LINGO2: variants seen among roughly 807,000 people sequenced by gnomAD.
LINGO2 encodes the protein leucine-rich repeat and immunoglobulin-like domain-containing nogo receptor-interacting protein 2.
A neutral mutation model predicts 30.6 loss-of-function variants in LINGO2; 14 were observed. The ratio of observed to expected loss-of-function variants is 0.46; its 90% CI spans 0.30 to 0.72. The LOEUF (loss-of-function observed/expected upper bound fraction) is 0.72. Among genes scored for constraint, LINGO2 ranks in the 30% least tolerant of loss-of-function variants. The probability of loss-of-function intolerance (pLI) is 0.07; values close to 1 mark genes in which losing one functional copy is unlikely to be tolerated. For missense variants in LINGO2, 729 were observed against 751.7 expected (o/e 0.97, Z 0.35); for synonymous variants, 317 against 288.5 (o/e 1.10, Z -1.00).
chr9:29,091,613 G>T, the LINGO2 span, among the ~76,000 whole-genome samples: 1 of 151,942 alleles, frequency 6.6e-6, no homozygotes, highest in Non-Finnish European at 1.5e-5. Flanking sequence ...ATGAAGTGAA[G>T]ATTCTCTGCT....
chr9:28,624,544 T>C (rs1186136917), intron 1 of LINGO2, among the ~76,000 whole-genome samples: 1 of 152,118 alleles, frequency 6.6e-6, no homozygotes, highest in Non-Finnish European at 1.5e-5. Context: ...AATGATCTTT[T>C]TAAAAGTATT....
At chr9:28,257,351 C>A (rs1227265498) in intron 4 of LINGO2, among the ~76,000 whole-genome samples, 2 of 151,718 alleles carry the variant, frequency 1.3e-5, no homozygotes, top group Non-Finnish European at 2.9e-5. Context: ...TGTCCACTGG[C>A]CTTTTTAAAT....
chr9:28,592,118 T>A (rs1824942670), intron 1 of LINGO2, among the ~76,000 whole-genome samples: 1 of 152,102 alleles, frequency 6.6e-6, no homozygotes. Context: ...TTGTTCCTAG[T>A]GTTGTGGAAC....
chr9:28,975,496 A>G, the LINGO2 span, among the ~76,000 whole-genome samples: 1 of 152,192 alleles, frequency 6.6e-6, no homozygotes, highest in Non-Finnish European at 1.5e-5. Context: ...GCCTAGTGCC[A>G]CTTGCTCTGT....
chr9:28,722,224 G>A, the LINGO2 span, among the ~76,000 whole-genome samples: 1 of 152,048 alleles, frequency 6.6e-6, no homozygotes, highest in African/African-American at 2.4e-5. Context: ...ACTATTTATA[G>A]TCAAACAAAG....
At chr9:28,623,167 C>CT (rs1185168975) in intron 1 of LINGO2, among the ~76,000 whole-genome samples, 1 of 151,834 alleles carries the variant, frequency 6.6e-6, no homozygotes, top group African/African-American at 2.4e-5. Flanking sequence ...TGATTGATTC[C>CT]TTTTTTGTGA....
intron 4 of LINGO2, among the ~76,000 whole-genome samples, chr9:28,161,875 T>A (rs1257877893): frequency 6.6e-6 from 1 of 152,128 alleles, no homozygotes; most frequent in Non-Finnish European, 1.5e-5. Context: ...AGTAAATAAT[T>A]CTTTTATGTA....
At chr9:28,320,749 A>G (rs1459347419) in intron 3 of LINGO2, among the ~76,000 whole-genome samples, 2 of 152,294 alleles carry the variant, frequency 1.3e-5, no homozygotes, top group East Asian at 1.9e-4. Flanking sequence ...CCAATTCAAT[A>G]GAGGACTCTC....
At chr9:28,192,155 A>C (rs930206907) in intron 4 of LINGO2, among the ~76,000 whole-genome samples, 2 of 152,054 alleles carry the variant, frequency 1.3e-5, no homozygotes, top group African/African-American at 4.8e-5. Flanking sequence ...CAGTCTTCTC[A>C]TTGCTCAAAC....
At chr9:28,882,683 C>G in the LINGO2 span, among the ~76,000 whole-genome samples, 3 of 152,130 alleles carry the variant, frequency 2.0e-5, no homozygotes, top group East Asian at 5.8e-4. Context: ...GGTTGTCTGT[C>G]ATTGTCCTAC....
At chr9:28,045,245 A>AG (rs1038198627) in intron 4 of LINGO2, among the ~76,000 whole-genome samples, 10 of 152,140 alleles carry the variant, frequency 6.6e-5, no homozygotes, top group African/African-American at 2.4e-4. Flanking sequence ...TAAAACACTG[A>AG]GCCTGTAAAA....
intron 1 of LINGO2, among the ~76,000 whole-genome samples, chr9:28,519,152 C>A (rs1820736683): frequency 6.6e-6 from 1 of 152,052 alleles, no homozygotes; most frequent in African/African-American, 2.4e-5. Context: ...CCCATCTCAG[C>A]CTCCAGAGTA....
chr9:29,006,740 T>C, the LINGO2 span, among the ~76,000 whole-genome samples: 7 of 152,048 alleles, frequency 4.6e-5, no homozygotes, highest in Non-Finnish European at 1.0e-4. Flanking sequence ...TTAAGCATAG[T>C]ACAGTCGTAT....
chr9:29,071,154 T>TTATCG, the LINGO2 span, among the ~76,000 whole-genome samples: 1 of 137,776 alleles, frequency 7.3e-6, no homozygotes, highest in Admixed American at 7.6e-5. Flanking sequence ...TCACAGAGAA[T>TTATCG]TATTGTATTG....
chr9:28,822,539 A>C, the LINGO2 span, among the ~76,000 whole-genome samples: 1 of 151,718 alleles, frequency 6.6e-6, no homozygotes, highest in Non-Finnish European at 1.5e-5. Context: ...ATCTGCCTTT[A>C]ATCTGGGCGG....
intron 2 of LINGO2, among the ~76,000 whole-genome samples, chr9:28,417,068 T>G (rs191374368): frequency 6.6e-6 from 1 of 151,106 alleles, no homozygotes; most frequent in Non-Finnish European, 1.5e-5. Context: ...AGATGGAAAC[T>G]ATTGCAATAT....
chr9:27,942,442 G>T, the LINGO2 span: 1 of 152,190 alleles, frequency 6.6e-6, no homozygotes, highest in Middle Eastern at 3.4e-3. Context: ...CATCCGAAAA[G>T]AAAACATGTT....
chr9:28,962,827 T>C, the LINGO2 span, among the ~76,000 whole-genome samples: 2 of 151,862 alleles, frequency 1.3e-5, no homozygotes, highest in Non-Finnish European at 1.5e-5. Context: ...ATCTTAAACA[T>C]ACTTTAATTA....
the LINGO2 span, among the ~76,000 whole-genome samples, chr9:28,748,024 T>C: frequency 6.6e-6 from 1 of 152,104 alleles, no homozygotes; most frequent in South Asian, 2.1e-4. Flanking sequence ...ACAACTTTCT[T>C]TGCAATTTTC....
Sources: allele counts gnomAD v4.1 joint callset (sites outside exome capture counted in the v4.1 genomes callset), GRCh38; gene constraint gnomAD v4.1.1; transcripts MANE v1.5; gene names NCBI Gene and HGNC (gene_info 2026-07-23, HGNC 2026-07-21).